The following TRPM7 variants were observed in gnomAD, a reference collection of about 807,000 sequenced individuals.
TRPM7 encodes the protein LTRPC ion channel family member 7.
In TRPM7, 134 loss-of-function variants were observed where a neutral mutation model predicts 229.7. The observed-to-expected ratio is 0.58, with a 90% CI of 0.51 to 0.67. The LOEUF is 0.67. Among genes scored for constraint, TRPM7 ranks in the 30% least tolerant of loss-of-function variants. The probability of loss-of-function intolerance (pLI) is 0.00; values close to 1 mark genes in which losing one functional copy is unlikely to be tolerated. For missense variants in TRPM7, 1,901 were observed against 2,210.0 expected, an observed-to-expected ratio of 0.86 and a Z score of 2.80; for synonymous variants, 699 against 715.2, an observed-to-expected ratio of 0.98 and a Z score of 0.36.
At chr15:50,686,414 T>C in intron 1 of TRPM7, 117 bp downstream of exon 1, 2 of 1,554,614 alleles carry the variant, frequency 1.3e-6, no homozygotes, top group Non-Finnish European at 1.8e-6. Flanking sequence ...CTCAAGGCAA[T>C]TCGAGGGTCC....
chr15:50,599,764 C>T (rs957854189), intron 21 of TRPM7: 1 of 152,418 alleles, frequency 6.6e-6, no homozygotes, highest in East Asian at 1.9e-4. Context: ...ACACTTCCCA[C>T]CCACCCTGAA....
intron 7 of TRPM7, among the ~76,000 whole-genome samples, chr15:50,634,914 G>A (rs1372583047): frequency 6.6e-6 from 1 of 152,128 alleles, no homozygotes; most frequent in East Asian, 1.9e-4. Context: ...AATGTAAACA[G>A]TAATTTTTTA....
chr15:50,651,350 A>G (rs903611225), intron 3 of TRPM7, among the ~76,000 whole-genome samples: 1 of 152,248 alleles, frequency 6.6e-6, no homozygotes, highest in Non-Finnish European at 1.5e-5. Flanking sequence ...TCCAACTATT[A>G]AGACCATGCT....
At position 50,638,151 on chromosome 15, in the gene TRPM7, A is replaced by T. The variant is rs1423894853; in HGVS notation, c.661-558T>A. Among the ~76,000 whole-genome samples, 4 of 151,732 alleles carry T rather than the reference A, an allele frequency of 2.6e-5. No homozygotes were observed. The East Asian group carries it at 5.8e-4, about 22-fold the overall frequency. On this transcript the variant is annotated intron_variant, in intron 6 of 38. Coordinates refer to ENST00000646667, the MANE Select transcript of TRPM7 (RefSeq NM_017672.6). Reference sequence around the variant, plus strand: ...GAGGCGGGCGGATCATGAGGTCAGGAGATCGAGACCATCCTGGCTAACACG... The same window carrying T: ...GAGGCGGGCGGATCATGAGGTCAGGTGATCGAGACCATCCTGGCTAACACG...
At chr15:50,661,851 A>T (rs944366495) in intron 2 of TRPM7, among the ~76,000 whole-genome samples, 1 of 152,198 alleles carries the variant, frequency 6.6e-6, no homozygotes, top group African/African-American at 2.4e-5. Context: ...CCATGAAGAA[A>T]AGTGCTCTAT....
intron 20 of TRPM7, among the ~76,000 whole-genome samples, chr15:50,606,332 T>C (rs2059917899): frequency 6.6e-6 from 1 of 151,840 alleles, no homozygotes; most frequent in Non-Finnish European, 1.5e-5. Context: ...TGAGCTGAGA[T>C]TGTGCCACTG....
chr15:50,685,658 G>A (rs1199907305), intron 1 of TRPM7, among the ~76,000 whole-genome samples: 1 of 152,184 alleles, frequency 6.6e-6, no homozygotes, highest in East Asian at 1.9e-4. Flanking sequence ...TTCAAGTACT[G>A]ACCAAAAATA....
At position 50,614,223 on chromosome 15, in the gene TRPM7, A is replaced by G. The variant is rs1390624868; in HGVS notation, c.1535T>C (p.Ile512Thr). 2.5e-6 allele frequency: 4 copies of G among 1,611,640 alleles called. No homozygotes were observed. Among genetic ancestry groups the G allele is most frequent in the Non-Finnish European group, 2.5e-6 (3 of 1,179,022 alleles). ...CATGAGATATTCAATAACAAGTCCT[A>G]TATCAATCAGAGTGATCTTATATCC... ...PPGYKITLID[I>T]GLVIEYLMGG... is the part of the protein sequence containing the mutation. The change falls in exon 14 of 39, where the codon ATA becomes ACA. Residue 512 changes from isoleucine (I) to threonine (T), a missense_variant. Around this residue, in one of 8 missense-constraint regions of TRPM7, gnomAD observed 794 missense variants for 881.9 expected, o/e 0.90. Coordinates refer to ENST00000646667, the MANE Select transcript of TRPM7 (RefSeq NM_017672.6).
At chr15:50,575,981 C>G in intron 31 of TRPM7, 62 bp from the exon 32 acceptor site, 1 of 1,495,716 alleles carries the variant, frequency 6.7e-7, no homozygotes, top group Non-Finnish European at 9.2e-7. Context: ...AAAATTTTAA[C>G]CCGGATAATC....
At chr15:50,672,991 G>GTTAT (rs1297106709) in intron 1 of TRPM7, among the ~76,000 whole-genome samples, 1 of 149,286 alleles carries the variant, frequency 6.7e-6, no homozygotes, top group Admixed American at 6.7e-5. Context: ...TATACGAAGT[G>GTTAT]TTATTACAAG....
chr15:50,627,463 G>A (rs1192323004), intron 11 of TRPM7, among the ~76,000 whole-genome samples: 1 of 152,102 alleles, frequency 6.6e-6, no homozygotes, highest in Non-Finnish European at 1.5e-5. Flanking sequence ...AGAGATAGGA[G>A]CATGCTTGAT....
intron 26 of TRPM7, among the ~76,000 whole-genome samples, chr15:50,590,772 C>A (rs537308146): frequency 6.6e-6 from 1 of 151,042 alleles, no homozygotes. Flanking sequence ...TGCAGCGAGC[C>A]GAGATTGTGC....
At chr15:50,576,525 C>G (rs150158554) in intron 31 of TRPM7, among the ~76,000 whole-genome samples, 81 of 152,318 alleles carry the variant, frequency 5.3e-4, no homozygotes, top group Non-Finnish European at 9.4e-4. Context: ...TATACACATA[C>G]ATGTGTGCAC....
At chr15:50,627,084 C>G (rs1446099226) in intron 11 of TRPM7, among the ~76,000 whole-genome samples, 1 of 151,978 alleles carries the variant, frequency 6.6e-6, no homozygotes, top group Non-Finnish European at 1.5e-5. Flanking sequence ...TACAGATGAA[C>G]AGTTAATCTG....
chr15:50,648,683 A>G lies in TRPM7; in HGVS notation c.321+4T>C. 6.3e-7 allele frequency: 1 copy of G among 1,585,692 alleles called. No individual in the cohort carries two copies. On this transcript the variant is annotated splice_donor_region_variant and intron_variant, in intron 4 of 38. Transcript: ENST00000646667. ...AATGAAGAAAAATCCAATATGTGACATACCTTAGCTCTGTAGGAATGAGAA... is the reference window on the plus strand; with the variant it reads ...AATGAAGAAAAATCCAATATGTGACGTACCTTAGCTCTGTAGGAATGAGAA...
intron 23 of TRPM7, among the ~76,000 whole-genome samples, 198 bp downstream of exon 23, chr15:50,596,057 G>A (rs760689579): frequency 1.3e-5 from 2 of 152,032 alleles, no homozygotes; most frequent in Non-Finnish European, 2.9e-5. Context: ...AAAACTGCAG[G>A]TTGAAAGATA....
At position 50,575,007 on chromosome 15, in the gene TRPM7, C is replaced by T; in HGVS notation, c.4864G>A (p.Gly1622Ser). The change falls in exon 34 of 39, where the codon GGT (glycine) becomes AGT (serine). Residue 1622 changes from glycine to serine, a missense_variant. Transcript: ENST00000646667. Reference sequence around the variant, plus strand: ...TGTACTTTGACAGCTCTTCGTAAACCTCCTCCCATCTCCTCTTTGCTTAAA... The same window carrying T: ...TGTACTTTGACAGCTCTTCGTAAACTTCCTCCCATCTCCTCTTTGCTTAAA... The part of the protein sequence containing the change: ...EFLSKEEMGG[G>S]LRRAVKVQCT... The T allele has an allele frequency of 6.2e-7, 1 of 1,614,102 alleles. No individual in the cohort carries two copies. Among genetic ancestry groups the T allele is most frequent in the African/African-American group, 1.3e-5 (1 of 75,038 alleles).
intron 1 of TRPM7, among the ~76,000 whole-genome samples, chr15:50,680,141 G>A (rs2062210713): frequency 1.3e-5 from 2 of 152,108 alleles, no homozygotes; most frequent in African/African-American, 4.8e-5. Context: ...GGCTGACAGA[G>A]GAGAATCACT....
chr15:50,575,586 CT>C lies in TRPM7; in HGVS notation c.4735+137del, dbSNP rs558338183. ...TTCTTCTATTCAAACATACCTCACCCTTGTGGTAGTCAGATTAATCAAGAAT... is the reference window on the plus strand; with the variant it reads ...TTCTTCTATTCAAACATACCTCACCCTGTGGTAGTCAGATTAATCAAGAAT... On this transcript the variant is annotated intron_variant, in intron 33 of 38. Transcript: ENST00000646667. 87 of 741,694 alleles carry C rather than the reference CT, an allele frequency of 1.2e-4. No individual in the cohort carries two copies. In the African/African-American group the frequency reaches 1.3e-3, roughly 12 times the overall value. The allele number at this position is 741,694 out of a possible 1,614,324, so 45.9% of individuals were successfully genotyped here. A position where few individuals can be genotyped will look rare whatever the true frequency, so the allele number is the denominator to read the frequency against.
Sources: allele counts gnomAD v4.1 joint callset (sites outside exome capture counted in the v4.1 genomes callset), GRCh38; gene constraint gnomAD v4.1.1; regional missense constraint gnomAD v4.1.1; transcripts MANE v1.5; gene names NCBI Gene and HGNC (gene_info 2026-07-23, HGNC 2026-07-21).